Variants in HS2ST1 observed in about 807,000 individuals in gnomAD.
HS2ST1 encodes heparan sulfate 2-O-sulfotransferase 1.
A neutral mutation model predicts 42.9 loss-of-function variants in HS2ST1; 18 were observed. The ratio of observed to expected loss-of-function variants is 0.42; its 90% CI spans 0.29 to 0.62. HS2ST1 has a LOEUF of 0.62. Among genes scored for constraint, HS2ST1 ranks in the 20% least tolerant of loss-of-function variants. The pLI is 0.21. For missense variants in HS2ST1, 334 were observed against 433.8 expected (o/e 0.77, Z 2.04); for synonymous variants, 146 against 152.9 (o/e 0.95, Z 0.33).
At chr1:87,087,329 C>T (rs1651838823) in intron 3 of HS2ST1, among the ~76,000 whole-genome samples, 2 of 152,088 alleles carry the variant, frequency 1.3e-5, no homozygotes, top group Non-Finnish European at 2.9e-5. Context: ...GATCTAGCTA[C>T]CTCAGTGTCA....
chr1:86,931,588 G>A (rs1660541481), intron 1 of HS2ST1, among the ~76,000 whole-genome samples: 1 of 151,960 alleles, frequency 6.6e-6, no homozygotes, highest in African/African-American at 2.4e-5. Flanking sequence ...GGATAGTTTG[G>A]GAAGATGAGG....
At chr1:87,028,306 G>T (rs898892968) in intron 1 of HS2ST1, among the ~76,000 whole-genome samples, 2 of 152,234 alleles carry the variant, frequency 1.3e-5, no homozygotes, top group Admixed American at 1.3e-4. Flanking sequence ...GGCCAACTCA[G>T]AGCCAGGGGA....
At chr1:87,041,759 T>C (rs1650531106) in intron 1 of HS2ST1, among the ~76,000 whole-genome samples, 1 of 152,220 alleles carries the variant, frequency 6.6e-6, no homozygotes, top group Non-Finnish European at 1.5e-5. Flanking sequence ...TTGCATACGA[T>C]GGAATTTCAT....
At chr1:86,988,136 T>A (rs1570466847) in intron 1 of HS2ST1, among the ~76,000 whole-genome samples, 1 of 152,302 alleles carries the variant, frequency 6.6e-6, no homozygotes, top group African/African-American at 2.4e-5. Flanking sequence ...TAAGTTTTTT[T>A]AAAAATAGCC....
At chr1:86,977,146 T>C (rs770170524) in intron 1 of HS2ST1, among the ~76,000 whole-genome samples, 1 of 152,192 alleles carries the variant, frequency 6.6e-6, no homozygotes, top group Non-Finnish European at 1.5e-5. Flanking sequence ...TTACATTAAA[T>C]TTCTTAAAAG....
At chr1:86,989,877 A>G (rs1381928416) in intron 1 of HS2ST1, among the ~76,000 whole-genome samples, 1 of 151,800 alleles carries the variant, frequency 6.6e-6, no homozygotes, top group African/African-American at 2.4e-5. Context: ...AGCTTCATCC[A>G]TGTCCCTGCA....
intron 1 of HS2ST1, among the ~76,000 whole-genome samples, chr1:87,061,922 T>C (rs952477025): frequency 2.0e-4 from 31 of 151,854 alleles, no homozygotes; most frequent in Non-Finnish European, 1.3e-4. Context: ...CTTTTCTCTT[T>C]TTTTTTTTTT....
chr1:87,007,003 G>A (rs1038262318), intron 1 of HS2ST1, among the ~76,000 whole-genome samples: 1 of 152,066 alleles, frequency 6.6e-6, no homozygotes, highest in African/African-American at 2.4e-5. Flanking sequence ...TTTAGACTAA[G>A]TGAGTAATGC....
At chr1:86,946,685 A>T (rs1368559698) in intron 1 of HS2ST1, among the ~76,000 whole-genome samples, 2 of 152,208 alleles carry the variant, frequency 1.3e-5, no homozygotes, top group African/African-American at 4.8e-5. Context: ...TGGCAACAAA[A>T]ATAGGCAAAA....
At chr1:87,036,792 A>G (rs896666341) in intron 1 of HS2ST1, among the ~76,000 whole-genome samples, 2 of 152,178 alleles carry the variant, frequency 1.3e-5, no homozygotes, top group Non-Finnish European at 2.9e-5. Flanking sequence ...GAATGAATGA[A>G]TGAATGCTGA....
At chr1:87,019,108 A>G (rs367605680) in intron 1 of HS2ST1, among the ~76,000 whole-genome samples, 1 of 152,162 alleles carries the variant, frequency 6.6e-6, no homozygotes, top group Non-Finnish European at 1.5e-5. Flanking sequence ...ATCAATCAGC[A>G]ATGTGGTGTT....
chr1:86,918,705 TGTA>T (rs1660222169), intron 1 of HS2ST1, among the ~76,000 whole-genome samples: 1 of 151,894 alleles, frequency 6.6e-6, no homozygotes, highest in Non-Finnish European at 1.5e-5. Flanking sequence ...TTTCAAAAGA[TGTA>T]GTAATCTACA....
intron 1 of HS2ST1, among the ~76,000 whole-genome samples, chr1:86,951,431 A>G (rs1317035601): frequency 6.6e-6 from 1 of 152,256 alleles, no homozygotes; most frequent in Non-Finnish European, 1.5e-5. Flanking sequence ...TTGACTTCTC[A>G]GTGCATGTAA....
At chr1:86,978,186 A>G (rs115975480) in intron 1 of HS2ST1, among the ~76,000 whole-genome samples, 1,848 of 152,294 alleles carry the variant, frequency 0.012, 45 homozygotes, top group African/African-American at 0.042. Flanking sequence ...ATGTTCGCAC[A>G]ATGATGAAAT....
chr1:87,071,555 C>T (rs971125801), intron 1 of HS2ST1, among the ~76,000 whole-genome samples: 4 of 151,886 alleles, frequency 2.6e-5, no homozygotes, highest in Admixed American at 1.3e-4. Flanking sequence ...ATGGTGAAAC[C>T]GTGTCTCTAC....
intron 1 of HS2ST1, among the ~76,000 whole-genome samples, chr1:87,059,676 C>T (rs533182922): frequency 1.8e-4 from 27 of 152,208 alleles, no homozygotes; most frequent in Admixed American, 3.3e-4. Context: ...AAAATAGATA[C>T]TTGGTGCAGG....
chr1:86,980,779 C>T (rs146113236), intron 1 of HS2ST1, among the ~76,000 whole-genome samples: 1,582 of 151,986 alleles, frequency 0.01, 22 homozygotes, highest in African/African-American at 0.03. Flanking sequence ...ATTAGGATAT[C>T]GGGGACAAAA....
At chr1:86,987,888 G>C (rs60860687) in intron 1 of HS2ST1, among the ~76,000 whole-genome samples, 3,591 of 152,292 alleles carry the variant, frequency 0.024, 73 homozygotes, top group African/African-American at 0.049. Context: ...GATATTGTAA[G>C]AAATTGGGGC....
At chr1:86,996,998 G>T (rs920480112) in intron 1 of HS2ST1, among the ~76,000 whole-genome samples, 1 of 152,134 alleles carries the variant, frequency 6.6e-6, no homozygotes, top group African/African-American at 2.4e-5. Context: ...TGAAAGCCTT[G>T]GAGAGCAGCC....
Sources: gnomAD v4.1 joint callset for allele counts (sites outside exome capture counted in the v4.1 genomes callset) on GRCh38, gnomAD v4.1.1 for gene constraint, MANE v1.5 for transcripts, NCBI Gene and HGNC (gene_info 2026-07-23, HGNC 2026-07-21) for gene names.